The following KIF6 variants were observed in gnomAD, a reference collection of about 807,000 sequenced individuals.
The protein encoded by KIF6 is kinesin-like protein KIF6.
KIF6 carries 106 observed loss-of-function variants against 112.7 expected under a neutral mutation model. That is an observed-to-expected ratio of 0.94 (90% CI 0.80 to 1.11). KIF6 has a LOEUF of 1.11. Among genes scored for constraint, KIF6 ranks in the 50% least tolerant of loss-of-function variants. The probability of loss-of-function intolerance (pLI) is 0.00; values close to 1 mark genes in which losing one functional copy is unlikely to be tolerated. For synonymous variants in KIF6, 339 were observed against 339.9 expected (o/e 1.00, Z 0.03); for missense variants, 929 against 964.0 (o/e 0.96, Z 0.48).
chr6:39,623,941 A>G (rs1379737561), intron 5 of KIF6, among the ~76,000 whole-genome samples: 2 of 152,058 alleles, frequency 1.3e-5, no homozygotes, highest in Admixed American at 6.6e-5. Context: ...CTCTGCTCCC[A>G]CCTCAGCAGC....
intron 5 of KIF6, 104 bp from the exon 6 acceptor site, chr6:39,613,422 C>G: frequency 1.3e-6 from 1 of 762,028 alleles, no homozygotes; most frequent in Non-Finnish European, 1.9e-6. Flanking sequence ...ACGTCTTGAA[C>G]TTATAAAAGC....
At chr6:39,416,454 G>T (rs2150359907) in intron 15 of KIF6, among the ~76,000 whole-genome samples, 1 of 152,270 alleles carries the variant, frequency 6.6e-6, no homozygotes, top group South Asian at 2.1e-4. Context: ...CAATAAAAAT[G>T]GCTCTCCGAC....
At chr6:39,578,627 G>C (rs1385025287) in intron 9 of KIF6, among the ~76,000 whole-genome samples, 1 of 152,072 alleles carries the variant, frequency 6.6e-6, no homozygotes, top group African/African-American at 2.4e-5. Context: ...ACCTCGCCCA[G>C]CCTCTATAAT....
intron 3 of KIF6, among the ~76,000 whole-genome samples, chr6:39,703,575 T>G (rs566284652): frequency 6.6e-6 from 1 of 152,318 alleles, no homozygotes; most frequent in African/African-American, 2.4e-5. Flanking sequence ...TCCTATTATT[T>G]AGCAAGAATT....
chr6:39,360,357 G>GC (rs1765033720), intron 18 of KIF6, 38 bp downstream of exon 18: 1 of 1,611,116 alleles, frequency 6.2e-7, no homozygotes. Flanking sequence ...TGCATGACTG[G>GC]CCCCTCCCCA....
At chr6:39,703,180 G>A (rs1290454584) in intron 3 of KIF6, among the ~76,000 whole-genome samples, 3 of 147,412 alleles carry the variant, frequency 2.0e-5, no homozygotes, top group Non-Finnish European at 4.4e-5. Context: ...GCTACTGAAA[G>A]GTAAAATGGG....
intron 6 of KIF6, among the ~76,000 whole-genome samples, chr6:39,605,328 C>A (rs543462191): frequency 1.3e-4 from 19 of 151,926 alleles, no homozygotes; most frequent in African/African-American, 4.6e-4. Flanking sequence ...TTTTTCTCTT[C>A]CTATTAAAAT....
At chr6:39,376,102 A>T (rs569082983) in intron 16 of KIF6, among the ~76,000 whole-genome samples, 2 of 152,302 alleles carry the variant, frequency 1.3e-5, no homozygotes, top group African/African-American at 4.8e-5. Flanking sequence ...GCAACTGTGG[A>T]TTAGAATTAA....
At chr6:39,604,359 C>G (rs1292607045) in intron 6 of KIF6, among the ~76,000 whole-genome samples, 1 of 152,148 alleles carries the variant, frequency 6.6e-6, no homozygotes, top group Admixed American at 6.6e-5. Flanking sequence ...TACTCTAACT[C>G]AGCCTGGAAA....
chr6:39,365,240 T>A (rs1045149427), intron 16 of KIF6, among the ~76,000 whole-genome samples: 2 of 152,238 alleles, frequency 1.3e-5, no homozygotes, highest in African/African-American at 4.8e-5. Flanking sequence ...AATTGCCAAC[T>A]TTAAATCGAC....
At chr6:39,647,778 C>T (rs1252461871) in intron 3 of KIF6, among the ~76,000 whole-genome samples, 1 of 150,558 alleles carries the variant, frequency 6.6e-6, no homozygotes, top group African/African-American at 2.5e-5. Flanking sequence ...GCGATCTCAG[C>T]TCACTGCAAC....
intron 9 of KIF6, 126 bp from the exon 10 acceptor site, chr6:39,578,285 A>G: frequency 1.5e-6 from 1 of 657,468 alleles, no homozygotes; most frequent in South Asian, 1.9e-5. Context: ...TGGTATAAAA[A>G]GCCAGCTTTG....
chr6:39,662,716 T>A (rs1786230840), intron 3 of KIF6, among the ~76,000 whole-genome samples: 1 of 152,006 alleles, frequency 6.6e-6, no homozygotes, highest in South Asian at 2.1e-4. Context: ...TCAAAAAAAA[T>A]TATCTTGAAT....
chr6:39,707,332 T>C (rs371962760), intron 3 of KIF6, among the ~76,000 whole-genome samples: 2 of 152,174 alleles, frequency 1.3e-5, no homozygotes, highest in Non-Finnish European at 2.9e-5. Context: ...GCAACTAGTA[T>C]CTACAAGTTT....
In KIF6 at chr6:39,650,359, A is replaced by C. The variant is rs765861825; in HGVS notation, c.252-10602T>G. ...CAGCTTAAGTCTGGTAAAAGAACAG[A>C]AATGCATGAAACTTTAATGAAGAAA... On this transcript the variant is annotated intron_variant, in intron 3 of 22. Transcript: ENST00000287152. 1.1e-3 allele frequency among the ~76,000 whole-genome samples: 167 copies of C among 152,164 alleles called. 2 individuals carry two copies. Among genetic ancestry groups the C allele is most frequent in the Non-Finnish European group, 3.1e-4 (21 of 68,034 alleles).
intron 3 of KIF6, among the ~76,000 whole-genome samples, chr6:39,701,242 C>A (rs1401260434): frequency 6.6e-6 from 1 of 152,172 alleles, no homozygotes; most frequent in Non-Finnish European, 1.5e-5. Flanking sequence ...TATGGGATAG[C>A]CACCTCCTAG....
At chr6:39,549,714 G>T (rs11752175) in intron 10 of KIF6, among the ~76,000 whole-genome samples, 1 of 151,966 alleles carries the variant, frequency 6.6e-6, no homozygotes, top group African/African-American at 2.4e-5. Context: ...CCCATGACTT[G>T]TAACGGCAAA....
intron 5 of KIF6, among the ~76,000 whole-genome samples, chr6:39,627,493 A>C (rs898678784): frequency 6.6e-6 from 1 of 152,198 alleles, no homozygotes; most frequent in African/African-American, 2.4e-5. Context: ...ATGTTTGCTG[A>C]GTATATGAAT....
At chr6:39,414,718 G>A (rs1581798503) in intron 15 of KIF6, among the ~76,000 whole-genome samples, 2 of 152,164 alleles carry the variant, frequency 1.3e-5, no homozygotes, top group Non-Finnish European at 1.5e-5. Flanking sequence ...GTAGGATAAA[G>A]GCCAAAGAAT....
Sources: allele counts gnomAD v4.1 joint callset (sites outside exome capture counted in the v4.1 genomes callset), GRCh38; gene constraint gnomAD v4.1.1; transcripts MANE v1.5; gene names NCBI Gene and HGNC (gene_info 2026-07-23, HGNC 2026-07-21).